CAMTA1: variants seen among roughly 807,000 people sequenced by gnomAD.
CAMTA1 encodes the protein calmodulin-binding transcription activator 1.
CAMTA1 carries 27 observed loss-of-function variants against 170.9 expected under a neutral mutation model. The ratio of observed to expected loss-of-function variants is 0.16; its 90% confidence interval spans 0.12 to 0.22. CAMTA1 has a LOEUF of 0.22. CAMTA1 is among the 10% of genes least tolerant of loss of function. The pLI is 1.00. For synonymous variants in CAMTA1, 833 were observed against 891.5 expected, an observed-to-expected ratio of 0.93 and a Z score of 1.17; for missense variants, 1,619 against 2,217.2, an observed-to-expected ratio of 0.73 and a Z score of 5.42.
intron 3 of CAMTA1, among the ~76,000 whole-genome samples, chr1:6,878,374 G>C (rs556594387): frequency 1.6e-4 from 24 of 152,218 alleles, no homozygotes; most frequent in Admixed American, 1.6e-3. Flanking sequence ...ATCACAAGAC[G>C]TGTGGTTTTG....
At chr1:7,013,990 CA>C (rs1241753168) in intron 3 of CAMTA1, among the ~76,000 whole-genome samples, 1 of 152,258 alleles carries the variant, frequency 6.6e-6, no homozygotes, top group East Asian at 1.9e-4. Context: ...GATCTTGGAA[CA>C]TGGAAGCCCA....
chr1:7,204,546 A>G (rs1418398585), intron 4 of CAMTA1, among the ~76,000 whole-genome samples: 1 of 151,930 alleles, frequency 6.6e-6, no homozygotes, highest in East Asian at 1.9e-4. Context: ...ATCCTTTTAC[A>G]TTTATTGAGG....
At position 7,664,205 on chromosome 1, in the gene CAMTA1, C is replaced by T. The variant is rs754160101; in HGVS notation, c.1658C>T (p.Ala553Val). ...MAKEAYSSSA[A>V]AVAASSLTLT... ...AAAGAAGCGTACTCCTCCTCCGCGG[C>T]GGCTGTGGCAGCCAGCTCCCTCACC... Residue 553 changes from alanine to valine, a missense_variant, in exon 9 of 23, where the codon GCG (alanine) becomes GTG (valine). Ala to Val is a moderately conservative substitution (Grantham distance 64, BLOSUM62 0). Transcript: ENST00000303635. 2.7e-5 allele frequency: 44 copies of T among 1,612,580 alleles called. No homozygotes were observed. The highest frequency in any genetic ancestry group is 3.3e-5 in the Non-Finnish European group (39 of 1,180,042).
At chr1:7,545,713 T>C (rs1224923487) in intron 6 of CAMTA1, among the ~76,000 whole-genome samples, 1 of 152,166 alleles carries the variant, frequency 6.6e-6, no homozygotes, top group Non-Finnish European at 1.5e-5. Flanking sequence ...CATGTTAGGA[T>C]GTACCCTGGA....
At chr1:7,560,674 C>A (rs752045531) in intron 6 of CAMTA1, among the ~76,000 whole-genome samples, 7 of 152,052 alleles carry the variant, frequency 4.6e-5, no homozygotes, top group Non-Finnish European at 8.8e-5. Context: ...TCACCGCGGC[C>A]GGTGTGCATC....
chr1:7,135,872 A>G (rs2148572925), intron 4 of CAMTA1, among the ~76,000 whole-genome samples: 1 of 152,346 alleles, frequency 6.6e-6, no homozygotes, highest in East Asian at 1.9e-4. Flanking sequence ...GCTGTTACAA[A>G]CCAACCTGGA....
chr1:7,116,547 C>T (rs906184691), intron 4 of CAMTA1, among the ~76,000 whole-genome samples: 1 of 152,150 alleles, frequency 6.6e-6, no homozygotes, highest in Non-Finnish European at 1.5e-5. Context: ...GAACCATCCC[C>T]CCCAATATTT....
intron 6 of CAMTA1, among the ~76,000 whole-genome samples, chr1:7,631,147 C>T (rs2095666497): frequency 6.6e-6 from 1 of 152,184 alleles, no homozygotes; most frequent in African/African-American, 2.4e-5. Context: ...CAGCCTCGGT[C>T]CTGCCCTGAG....
chr1:7,398,181 CTCTCTCTCTCTCTATA>C (rs2089515761), intron 5 of CAMTA1, among the ~76,000 whole-genome samples: 4 of 45,554 alleles, frequency 8.8e-5, no homozygotes, highest in African/African-American at 1.7e-4. Flanking sequence ...CTCTCTCTCT[CTCTCTCTCTCTCTATA>C]TATATATATA....
At chr1:6,856,978 C>G (rs1478276422) in intron 3 of CAMTA1, among the ~76,000 whole-genome samples, 3 of 152,004 alleles carry the variant, frequency 2.0e-5, no homozygotes, top group African/African-American at 7.3e-5. Flanking sequence ...AGGGGTCATG[C>G]TACTCACAGC....
intron 3 of CAMTA1, among the ~76,000 whole-genome samples, chr1:6,844,528 A>T (rs1040280270): frequency 2.7e-5 from 3 of 112,002 alleles, no homozygotes; most frequent in Non-Finnish European, 5.7e-5. Flanking sequence ...AAAAAAAAAA[A>T]TGCAAAAATT....
At chr1:6,885,176 TGAATG>T (rs2149098258) in intron 3 of CAMTA1, among the ~76,000 whole-genome samples, 1 of 152,366 alleles carries the variant, frequency 6.6e-6, no homozygotes, top group South Asian at 2.1e-4. Context: ...ATCTTTATGA[TGAATG>T]GACTGGAATA....
At chr1:7,264,588 G>A (rs530684604) in intron 5 of CAMTA1, among the ~76,000 whole-genome samples, 2 of 152,232 alleles carry the variant, frequency 1.3e-5, no homozygotes, top group East Asian at 3.9e-4. Context: ...AAACCTGTTA[G>A]GTATAATATC....
Position 7,352,726 on chromosome 1 carries a change from G to A in CAMTA1, c.438+103100G>A, listed in dbSNP as rs1255153675. Among the ~76,000 whole-genome samples, 4 of 152,224 alleles carry A rather than the reference G, an allele frequency of 2.6e-5. No homozygotes were observed. The South Asian group carries it at 8.3e-4, about 31-fold the overall frequency. Reference sequence around the variant, plus strand: ...GAGGGCCTCTGGTTGCTGGGAAGTGGGGTGGGCTCAGGTTGGGGTTTAATT... The same window carrying A: ...GAGGGCCTCTGGTTGCTGGGAAGTGAGGTGGGCTCAGGTTGGGGTTTAATT... On this transcript the variant is annotated intron_variant, in intron 5 of 22. Transcript: ENST00000303635.
At position 7,044,272 on chromosome 1, in the gene CAMTA1, G is replaced by C. The variant is rs1477493342; in HGVS notation, c.235-47032G>C. Reference sequence around the variant, plus strand: ...CACACACGGTTGGGACTGGCCAAGGGTCTCACCCAGACTAGACGGGAATGG... The same window carrying C: ...CACACACGGTTGGGACTGGCCAAGGCTCTCACCCAGACTAGACGGGAATGG... On this transcript the variant is annotated intron_variant, in intron 3 of 22. Transcript: ENST00000303635. This position sits in a 1 kb window ranked among gnomAD's most constrained non-coding sequence, Gnocchi z 5.0. Among the ~76,000 whole-genome samples the C allele has an allele frequency of 2.0e-5, 3 of 152,216 alleles. No homozygotes were observed. Among genetic ancestry groups the C allele is most frequent in the African/African-American group, 4.8e-5 (2 of 41,458 alleles).
At chr1:7,011,221 T>G (rs576393224) in intron 3 of CAMTA1, among the ~76,000 whole-genome samples, 2 of 152,336 alleles carry the variant, frequency 1.3e-5, no homozygotes, top group African/African-American at 4.8e-5. Context: ...ATTGTTTTTT[T>G]GAGACAGAGT....
intron 3 of CAMTA1, among the ~76,000 whole-genome samples, chr1:6,870,358 AAC>A (rs1668049208): frequency 6.6e-6 from 1 of 152,186 alleles, no homozygotes; most frequent in Non-Finnish European, 1.5e-5. Flanking sequence ...TTAAAAAAAA[AAC>A]ATTGTGTTTT....
rs555579101 is a variant in CAMTA1, at chr1:7,070,773, A to G, written c.235-20531A>G. On this transcript the variant is annotated intron_variant, in intron 3 of 22. Transcript: ENST00000303635. ...ACCAGGCAGCCCTCCAGCTTGTCAA[A>G]CTGTCGCCAGCAGTGTTTTCTCAGC... 1.6e-4 allele frequency among the ~76,000 whole-genome samples: 25 copies of G among 152,308 alleles called. 2 individuals carry two copies. The South Asian group carries it at 5.2e-3, about 32-fold the overall frequency.
chr1:7,057,727 G>A (rs1707577499), intron 3 of CAMTA1, among the ~76,000 whole-genome samples: 1 of 152,220 alleles, frequency 6.6e-6, no homozygotes, highest in Non-Finnish European at 1.5e-5. Flanking sequence ...CATCTGGGTT[G>A]AAATACAGAT....
Sources: gnomAD v4.1 joint callset for allele counts (sites outside exome capture counted in the v4.1 genomes callset) on GRCh38, gnomAD v4.1.1 for gene constraint, Gnocchi (gnomAD v3.1) non-coding constraint, MANE v1.5 for transcripts, NCBI Gene and HGNC (gene_info 2026-07-23, HGNC 2026-07-21) for gene names.